The following GPRIN2 variants were observed in gnomAD, a reference collection of about 807,000 sequenced individuals.
The protein encoded by GPRIN2 is G protein-regulated inducer of neurite outgrowth 2.
Under a neutral mutation model 0.3 loss-of-function variants are expected in GPRIN2, and 1 was observed. The observed-to-expected ratio is 3.90, with a 90% CI of 1.39 to 18.51. The LOEUF is 18.51. Ranked by LOEUF, GPRIN2 falls within the 30% of genes most tolerant of loss-of-function variation. The pLI is 0.11. For missense variants in GPRIN2, 880 were observed against 604.2 expected (o/e 1.46, Z -4.79); for synonymous variants, 361 against 258.6 (o/e 1.40, Z -3.80).
chr10:46,556,886 C>A (rs960376575), upstream of GPRIN2, among the ~76,000 whole-genome samples: 1 of 152,292 alleles, frequency 6.6e-6, no homozygotes, highest in Non-Finnish European at 1.5e-5. Context: ...GTTCTCCAGG[C>A]TGCCCAGCGA....
At position 46,543,163 on chromosome 10, in the gene GPRIN2, A is replaced by G. The variant is rs1476598266; in HGVS notation, c.*6197T>C. On this transcript the variant is annotated 3_prime_UTR_variant, in exon 3 of 3. Coordinates refer to ENST00000374314, the MANE Select transcript of GPRIN2 (RefSeq NM_001385282.1). ...AAAGAGGGGAAGGACAGGTGGAGAG[A>G]AAGGGCCTAGACCCATGTAAATCAC... 6.6e-6 allele frequency among the ~76,000 whole-genome samples: 1 copy of G among 152,310 alleles called. No individual in the cohort carries two copies. The highest frequency in any genetic ancestry group is 2.4e-5 in the African/African-American group (1 of 41,488).
At chr10:46,554,403 C>T (rs1397549165) in intron 2 of GPRIN2, among the ~76,000 whole-genome samples, 182 bp downstream of exon 2, 10 of 152,418 alleles carry the variant, frequency 6.6e-5, no homozygotes, top group East Asian at 1.9e-4. Context: ...TAGGAGGCTA[C>T]GCATGCATAC....
At chr10:46,551,518 C>T (rs1832185744) in intron 2 of GPRIN2, 499 of 984,658 alleles carry the variant, frequency 5.1e-4, no homozygotes, top group Non-Finnish European at 5.6e-4. Flanking sequence ...TGAGCCCCTA[C>T]TGCGTGCCCA....
chr10:46,550,238 G>A lies in GPRIN2; in HGVS notation c.499C>T (p.Gln167Ter), dbSNP rs1842482831. 6.2e-7 allele frequency: 1 copy of A among 1,608,014 alleles called. No homozygotes were observed. Among genetic ancestry groups the A allele is most frequent in the Non-Finnish European group, 8.5e-7 (1 of 1,176,544 alleles). The part of the protein sequence containing the change: ...QPGGTSGQGG[Q>*]APAGLERDLA... Reference sequence around the variant, plus strand: ...TCCCTTTCCAGGCCTGCAGGGGCCTGGCCACCCTGGCCAGAAGTACCACCT... The same window carrying A: ...TCCCTTTCCAGGCCTGCAGGGGCCTAGCCACCCTGGCCAGAAGTACCACCT... Residue 167 changes from glutamine to a stop codon, truncating the protein, a stop_gained, in exon 3 of 3, where the codon CAG becomes TAG. Transcript: ENST00000374314. LOFTEE classifies it low-confidence loss of function (END_TRUNC).
chr10:46,548,204 G>A lies in GPRIN2; in HGVS notation c.*1156C>T, dbSNP rs1409144279. ...ACAAGCCCACTCCCATTCTTCACAG[G>A]CCTCGAGAAATCTTTGGGCAATGAA... On this transcript the variant is annotated 3_prime_UTR_variant, in exon 3 of 3. Coordinates refer to ENST00000374314, the MANE Select transcript of GPRIN2 (RefSeq NM_001385282.1). Among the ~76,000 whole-genome samples the A allele has an allele frequency of 1.3e-5, 2 of 152,294 alleles. No homozygotes were observed. The highest frequency in any genetic ancestry group is 2.4e-5 in the African/African-American group (1 of 41,484).
rs1832881103 is a variant in GPRIN2 at position 46,546,849 on chromosome 10, G to A, written c.*2511C>T. Among the ~76,000 whole-genome samples the A allele has an allele frequency of 2.5e-3, 382 of 152,244 alleles. No homozygotes were observed. Among genetic ancestry groups the A allele is most frequent in the African/African-American group, 8.7e-3 (359 of 41,440 alleles). ...CATCTGGGGCCCCAGCCAAGACACA[G>A]GTGTTGGATTTCAGCACCGCTCTGC... is the stretch of plus-strand genomic sequence containing the variant. On this transcript the variant is annotated 3_prime_UTR_variant, in exon 3 of 3. Transcript: ENST00000374314.
rs1035046310 is a variant in GPRIN2, at chr10:46,542,979, T to A, written c.*6381A>T. ...AAGGGCCACCAAAAGTTAGGACTGA[T>A]GGGGTGCCCTTCCAGCCCGACCAAA... On this transcript the variant is annotated 3_prime_UTR_variant, in exon 3 of 3. Coordinates refer to ENST00000374314, the MANE Select transcript of GPRIN2 (RefSeq NM_001385282.1). Among the ~76,000 whole-genome samples the A allele has an allele frequency of 4.2e-4, 64 of 152,400 alleles. No individual in the cohort carries two copies. The highest frequency in any genetic ancestry group is 1.4e-3 in the African/African-American group (57 of 41,580).
Position 46,545,333 on chromosome 10 carries a change from C to T in GPRIN2, c.*4027G>A, listed in dbSNP as rs1842063372. On this transcript the variant is annotated 3_prime_UTR_variant, in exon 3 of 3. Transcript: ENST00000374314. ...AGAGAGCAGAAGTGCCTGGAGGCTA[C>T]ATCTTCACCCCTGGGTAGTCCTTAC... 6.6e-6 allele frequency among the ~76,000 whole-genome samples: 1 copy of T among 152,308 alleles called. No homozygotes were observed. Among genetic ancestry groups the T allele is most frequent in the African/African-American group, 2.4e-5 (1 of 41,486 alleles).
In GPRIN2 at chr10:46,550,211, G is replaced by C; in HGVS notation, c.526C>G (p.Leu176Val). Residue 176 changes from leucine to valine, a missense_variant, in exon 3 of 3, where the codon CTG (leucine) becomes GTG (valine). By Grantham distance (32) the Leu-to-Val change is conservative. Transcript: ENST00000374314. ...TTAGAAGTCTCATCCTCAGGAGCCAGGTCCCTTTCCAGGCCTGCAGGGGCC... is the reference window on the plus strand; with the variant it reads ...TTAGAAGTCTCATCCTCAGGAGCCACGTCCCTTTCCAGGCCTGCAGGGGCC... ...GQAPAGLERDLAPEDETSNSA... is the reference protein window; with the variant it reads ...GQAPAGLERDVAPEDETSNSA... 6.2e-7 allele frequency: 1 copy of C among 1,602,326 alleles called. No homozygotes were observed. The highest frequency in any genetic ancestry group is 1.1e-5 in the South Asian group (1 of 90,010).
Position 46,546,929 on chromosome 10 carries a change from G to A in GPRIN2, c.*2431C>T, listed in dbSNP as rs920821057. On this transcript the variant is annotated 3_prime_UTR_variant, in exon 3 of 3. Coordinates refer to ENST00000374314, the MANE Select transcript of GPRIN2 (RefSeq NM_001385282.1). ...GTGGGAGCTTGGCTGAGCCCAGCCC[G>A]GCCTGCCATCCTGGCAAGCCAGGGC... Among the ~76,000 whole-genome samples the A allele has an allele frequency of 4.6e-5, 7 of 152,310 alleles. No homozygotes were observed. The highest frequency in any genetic ancestry group is 8.8e-5 in the Non-Finnish European group (6 of 68,056).
At chr10:46,556,709 G>T (rs983004166), upstream of GPRIN2, among the ~76,000 whole-genome samples, 2 of 152,210 alleles carry the variant, frequency 1.3e-5, no homozygotes, top group East Asian at 3.9e-4. Context: ...AGGGGCGGCG[G>T]GCGGAGACCT....
rs1842296459 is a variant in GPRIN2 at position 46,547,737 on chromosome 10, C to G, written c.*1623G>C. On this transcript the variant is annotated 3_prime_UTR_variant, in exon 3 of 3. Coordinates refer to ENST00000374314, the MANE Select transcript of GPRIN2 (RefSeq NM_001385282.1). Reference sequence around the variant, plus strand: ...AGATGGCATATACCCATGTGTCACTCCCCAGAACGTGAGCTGCCTGCCCTG... The same window carrying G: ...AGATGGCATATACCCATGTGTCACTGCCCAGAACGTGAGCTGCCTGCCCTG... Among the ~76,000 whole-genome samples, 1 of 152,310 alleles carries G rather than the reference C, an allele frequency of 6.6e-6. No homozygotes were observed. The highest frequency in any genetic ancestry group is 2.1e-4 in the South Asian group (1 of 4,838).
At chr10:46,551,039 C>A (rs1398769584) in intron 2 of GPRIN2, among the ~76,000 whole-genome samples, 5 of 152,418 alleles carry the variant, frequency 3.3e-5, no homozygotes, top group Admixed American at 1.3e-4. Flanking sequence ...CAGCTCTCAA[C>A]TCTTTACTGG....
chr10:46,543,622 T>C lies in GPRIN2; in HGVS notation c.*5738A>G, dbSNP rs1293205663. 6.6e-6 allele frequency among the ~76,000 whole-genome samples: 1 copy of C among 152,310 alleles called. No homozygotes were observed. Among genetic ancestry groups the C allele is most frequent in the African/African-American group, 2.4e-5 (1 of 41,488 alleles). On this transcript the variant is annotated 3_prime_UTR_variant, in exon 3 of 3. Transcript: ENST00000374314. Reference sequence around the variant, plus strand: ...CAGGCAGGACAGACTGGGCGATGACTGCATGGCTAAAAGCGCACACCTTAA... The same window carrying C: ...CAGGCAGGACAGACTGGGCGATGACCGCATGGCTAAAAGCGCACACCTTAA...
chr10:46,549,791 T>C lies in GPRIN2; in HGVS notation c.946A>G (p.Met316Val), dbSNP rs1832588396. The change falls in exon 3 of 3, where the codon ATG (methionine) becomes GTG (valine). Residue 316 changes from methionine to valine, a missense_variant. Physicochemically the swap from Met to Val is conservative, Grantham distance 21. Transcript: ENST00000374314. ...PGSRTKDVWT[M>V]TSANDLAPAE... Reference sequence around the variant, plus strand: ...GGGGCCAAGTCATTGGCTGAGGTCATGGTCCACACATCTTTGGTCCTAGAG... The same window carrying C: ...GGGGCCAAGTCATTGGCTGAGGTCACGGTCCACACATCTTTGGTCCTAGAG... 6.2e-7 allele frequency: 1 copy of C among 1,614,166 alleles called. No individual in the cohort carries two copies. Among genetic ancestry groups the C allele is most frequent in the South Asian group, 1.1e-5 (1 of 91,090 alleles).
chr10:46,549,221 G>GACA lies in GPRIN2; in HGVS notation c.*138_*139insTGT. The GACA allele has an allele frequency of 8.4e-7, 1 of 1,183,850 alleles. No individual in the cohort carries two copies. Among genetic ancestry groups the GACA allele is most frequent in the South Asian group, 1.9e-5 (1 of 52,182 alleles). The allele number at this position is 1,183,850 out of a possible 1,614,324, so 73.3% of individuals were successfully genotyped here. On this transcript the variant is annotated 3_prime_UTR_variant, in exon 3 of 3. Coordinates refer to ENST00000374314, the MANE Select transcript of GPRIN2 (RefSeq NM_001385282.1). ...CGGAAGCCCCAGGCTGCAGTCCTGT[G>GACA]GTCTGGAGGCAGCCAATATTCAGGT...
intron 2 of GPRIN2, chr10:46,551,607 C>T (rs1287560465): frequency 7.2e-6 from 4 of 559,312 alleles, no homozygotes; most frequent in African/African-American, 4.1e-5. Context: ...GATAAGATGC[C>T]CACCCAGTAC....
rs1280522202 is a variant in GPRIN2, at chr10:46,544,970, C to G, written c.*4390G>C. ...CCCTGCCTGACAAGTTGGATGAAAA[C>G]TGATAAAGGACTTGTCATAGCTTCA... On this transcript the variant is annotated 3_prime_UTR_variant, in exon 3 of 3. Coordinates refer to ENST00000374314, the MANE Select transcript of GPRIN2 (RefSeq NM_001385282.1). 1.3e-5 allele frequency among the ~76,000 whole-genome samples: 2 copies of G among 152,308 alleles called. No individual in the cohort carries two copies. Among genetic ancestry groups the G allele is most frequent in the Non-Finnish European group, 2.9e-5 (2 of 68,056 alleles).
chr10:46,544,539 G>T lies in GPRIN2; in HGVS notation c.*4821C>A, dbSNP rs1420592819. 1.3e-5 allele frequency among the ~76,000 whole-genome samples: 2 copies of T among 152,302 alleles called. No homozygotes were observed. The highest frequency in any genetic ancestry group is 2.9e-5 in the Non-Finnish European group (2 of 68,054). On this transcript the variant is annotated 3_prime_UTR_variant, in exon 3 of 3. Transcript: ENST00000374314. ...GGATTTCTCCATGCTGCCCAAGCTG[G>T]TTTCGAACTCCTGAGCTCAAGCAGT...
Sources: allele counts gnomAD v4.1 joint callset (sites outside exome capture counted in the v4.1 genomes callset), GRCh38; gene constraint gnomAD v4.1.1; transcripts MANE v1.5; gene names NCBI Gene and HGNC (gene_info 2026-07-23, HGNC 2026-07-21).